The following KSR2 variants were observed in gnomAD, a reference collection of about 807,000 sequenced individuals.
The protein encoded by KSR2 is kinase suppressor of ras 2.
A neutral mutation model predicts 107.8 loss-of-function variants in KSR2; 25 were observed. The observed-to-expected ratio is 0.23, with a 90% CI of 0.17 to 0.32. The LOEUF is 0.32. KSR2 is among the 10% of genes least tolerant of loss of function. The pLI, the probability that KSR2 is intolerant of heterozygous loss-of-function variation, is 1.00. For missense variants in KSR2, 887 were observed against 1,268.9 expected (o/e 0.70, Z 4.57); for synonymous variants, 480 against 507.0 (o/e 0.95, Z 0.71).
chr12:117,469,879 G>T (rs1243485878), intron 18 of KSR2, 84 bp from the exon 19 acceptor site: 13 of 1,397,594 alleles, frequency 9.3e-6, no homozygotes, highest in Middle Eastern at 1.8e-4. Context: ...CTGCCAATTT[G>T]TCCACTCATC....
chr12:117,840,090 ACTTT>A (rs1431526637), intron 3 of KSR2, among the ~76,000 whole-genome samples: 2 of 142,632 alleles, frequency 1.4e-5, no homozygotes, highest in African/African-American at 5.6e-5. Context: ...ATTTTATTTT[ACTTT>A]ATTTTATTTT....
At chr12:117,915,205 C>T (rs945916829) in intron 1 of KSR2, among the ~76,000 whole-genome samples, 2 of 152,198 alleles carry the variant, frequency 1.3e-5, no homozygotes, top group African/African-American at 4.8e-5. Context: ...ATTTATTTCT[C>T]ACAGTTCTGC....
chr12:117,471,317 T>A lies in KSR2; in HGVS notation c.2586A>T (p.Thr862=), dbSNP rs779966398. 8.1e-6 allele frequency: 13 copies of A among 1,612,964 alleles called. No homozygotes were observed. The highest frequency in any genetic ancestry group is 1.1e-5 in the Non-Finnish European group (13 of 1,179,420). The change falls in exon 18 of 20, where the codon ACA becomes ACT. Residue 862 remains threonine, a synonymous_variant. Coordinates refer to ENST00000339824, the MANE Select transcript of KSR2 (RefSeq NM_173598.6). ...SKHSDVFALG[T]IWYELHAREW... The stretch of plus-strand genomic sequence containing the variant: ...CCCTGGCGTGGAGTTCATACCAGAT[T>A]GTGCTGTTGGCAGACGTTGTTAAAG...
At chr12:117,582,141 G>T in intron 6 of KSR2, 149 bp downstream of exon 6, 3 of 627,474 alleles carry the variant, frequency 4.8e-6, no homozygotes, top group South Asian at 4.1e-5. Flanking sequence ...CCACTTTAAA[G>T]TTTAGCCGAG....
intron 5 of KSR2, among the ~76,000 whole-genome samples, chr12:117,638,666 T>C (rs988081653): frequency 6.6e-6 from 1 of 152,180 alleles, no homozygotes; most frequent in African/African-American, 2.4e-5. Context: ...AAACTCAGGA[T>C]GATGCTATCT....
intron 14 of KSR2, among the ~76,000 whole-genome samples, chr12:117,521,902 G>A: frequency 6.6e-6 from 1 of 152,186 alleles, no homozygotes; most frequent in Non-Finnish European, 1.5e-5. Flanking sequence ...CCAACAAGTG[G>A]ACAGTGCTGA....
intron 1 of KSR2, among the ~76,000 whole-genome samples, chr12:117,880,331 T>C (rs1754209957): frequency 6.6e-6 from 1 of 152,128 alleles, no homozygotes; most frequent in African/African-American, 2.4e-5. Flanking sequence ...AAATGCTCAA[T>C]AGCTGCTTGT....
Position 117,951,067 on chromosome 12 carries a change from C to T in KSR2, c.180+17009G>A, listed in dbSNP as rs546766823. ...GGACTACAGGCGCCCGCCACCACAC[C>T]CAGCTAATTTTTTTGTATTTTTAGT... On this transcript the variant is annotated intron_variant, in intron 1 of 19. Transcript: ENST00000339824. Among the ~76,000 whole-genome samples, 1,139 of 152,014 alleles carry T rather than the reference C, an allele frequency of 7.5e-3. 18 individuals carry two copies. Among genetic ancestry groups the T allele is most frequent in the African/African-American group, 0.025 (1,039 of 41,486 alleles).
At chr12:117,947,188 A>G (rs1896208082) in intron 1 of KSR2, among the ~76,000 whole-genome samples, 1 of 92,138 alleles carries the variant, frequency 1.1e-5, no homozygotes, top group South Asian at 3.5e-4. Flanking sequence ...GAAAGAAAGA[A>G]AAGAAAGAAA....
At chr12:117,917,868 T>C (rs1895229146) in intron 1 of KSR2, among the ~76,000 whole-genome samples, 1 of 152,228 alleles carries the variant, frequency 6.6e-6, no homozygotes, top group Non-Finnish European at 1.5e-5. Flanking sequence ...GATTTTGCTT[T>C]AGTTACTAGA....
chr12:117,549,427 C>T (rs376683621), intron 9 of KSR2, among the ~76,000 whole-genome samples: 3 of 151,942 alleles, frequency 2.0e-5, no homozygotes, highest in East Asian at 3.9e-4. Context: ...AGATGGTCAT[C>T]GTCTAACTTT....
Position 117,573,160 on chromosome 12 carries a change from C to T in KSR2, c.1325+5959G>A, listed in dbSNP as rs955602102. Among the ~76,000 whole-genome samples the T allele has an allele frequency of 1.5e-4, 23 of 152,226 alleles. 1 individual carries two copies. The highest frequency in any genetic ancestry group is 1.9e-4 in the East Asian group (1 of 5,186). ...CCAACAAGACAGCTAATGATAATTC[C>T]GGAGGAAGTGGGCATTAAATCGGAG... On this transcript the variant is annotated intron_variant, in intron 7 of 19. Coordinates refer to ENST00000339824, the MANE Select transcript of KSR2 (RefSeq NM_173598.6).
At chr12:117,706,844 A>T (rs1886549033) in intron 4 of KSR2, among the ~76,000 whole-genome samples, 1 of 152,234 alleles carries the variant, frequency 6.6e-6, no homozygotes, top group African/African-American at 2.4e-5. Context: ...AATAAAATAT[A>T]CATTGTAATA....
intron 1 of KSR2, among the ~76,000 whole-genome samples, chr12:117,887,084 G>A (rs1019675316): frequency 1.2e-4 from 18 of 151,548 alleles, no homozygotes; most frequent in Admixed American, 8.6e-4. Context: ...TTGCCACACC[G>A]GGCTAAATTT....
chr12:117,522,225 G>A (rs557360679), intron 14 of KSR2, among the ~76,000 whole-genome samples: 2 of 152,106 alleles, frequency 1.3e-5, no homozygotes, highest in Non-Finnish European at 1.5e-5. Context: ...ATGACCACTC[G>A]TTTTTCAAGG....
chr12:117,737,398 G>T (rs547688909), intron 4 of KSR2, among the ~76,000 whole-genome samples: 69 of 152,254 alleles, frequency 4.5e-4, no homozygotes, highest in African/African-American at 1.6e-3. Flanking sequence ...GGGTTAAGGT[G>T]GTACCTTCCA....
intron 3 of KSR2, among the ~76,000 whole-genome samples, chr12:117,811,353 G>A (rs951284433): frequency 6.6e-6 from 1 of 152,164 alleles, no homozygotes; most frequent in Non-Finnish European, 1.5e-5. Context: ...TTGGGGGAAG[G>A]AATAACTTTA....
At chr12:117,587,328 A>T (rs1424113649) in intron 5 of KSR2, among the ~76,000 whole-genome samples, 2 of 152,006 alleles carry the variant, frequency 1.3e-5, no homozygotes. Flanking sequence ...TGGAGGGAGG[A>T]GGGTGAGAGT....
intron 4 of KSR2, among the ~76,000 whole-genome samples, chr12:117,672,340 A>G (rs993074446): frequency 5.3e-5 from 8 of 152,222 alleles, no homozygotes; most frequent in Admixed American, 2.6e-4. Flanking sequence ...CTTTGGGGTC[A>G]GAGAGACTGG....
Sources: gnomAD v4.1 joint callset for allele counts (sites outside exome capture counted in the v4.1 genomes callset) on GRCh38, gnomAD v4.1.1 for gene constraint, MANE v1.5 for transcripts, NCBI Gene and HGNC (gene_info 2026-07-23, HGNC 2026-07-21) for gene names.